Variants in APBA2 observed in about 807,000 individuals in gnomAD.
APBA2 encodes amyloid beta precursor protein binding family A member 2, also known as amyloid-beta A4 precursor protein-binding family A member 2.
APBA2 carries 30 observed loss-of-function variants against 75.0 expected under a neutral mutation model. The observed-to-expected ratio is 0.40, with a 90% confidence interval of 0.30 to 0.54. The LOEUF (loss-of-function observed/expected upper bound fraction) is 0.54. Among genes scored for constraint, APBA2 ranks in the 20% least tolerant of loss-of-function variants. The probability of loss-of-function intolerance (pLI) is 0.49; values close to 1 mark genes in which losing one functional copy is unlikely to be tolerated. For missense variants in APBA2, 801 were observed against 1,016.1 expected, an observed-to-expected ratio of 0.79 and a Z score of 2.88; for synonymous variants, 444 against 409.6, an observed-to-expected ratio of 1.08 and a Z score of -1.01.
intron 3 of APBA2, among the ~76,000 whole-genome samples, chr15:28,996,532 G>A (rs889149359): frequency 6.6e-6 from 1 of 152,210 alleles, no homozygotes. Flanking sequence ...GACAGGTTCT[G>A]CACTGCAGAT....
intron 1 of APBA2, among the ~76,000 whole-genome samples, chr15:28,890,708 GA>G (rs1201596394): frequency 6.6e-6 from 1 of 152,218 alleles, no homozygotes; most frequent in Non-Finnish European, 1.5e-5. Flanking sequence ...CCTGGCTTGA[GA>G]GTCTTTCTCA....
chr15:29,054,160 G>A lies in APBA2; in HGVS notation c.276G>A (p.Glu92=). ...EEEDYDEGLP[E]EEEGITYYIR... is the part of the protein sequence containing the mutation. ...AGGACTATGACGAGGGCCTCCCTGA[G>A]GAGGAGGAGGGCATCACCTACTACA... Residue 92 remains glutamate, a synonymous_variant, in exon 4 of 15, where the codon GAG becomes GAA. Transcript: ENST00000683413. This position sits in a 1 kb window ranked among gnomAD's most constrained non-coding sequence, Gnocchi z 6.1. 1 of 1,614,036 alleles carries A rather than the reference G, an allele frequency of 6.2e-7. No homozygotes were observed. The highest frequency in any genetic ancestry group is 1.7e-5 in the Admixed American group (1 of 60,028).
intron 3 of APBA2, among the ~76,000 whole-genome samples, chr15:29,015,968 C>T (rs1056888401): frequency 2.6e-5 from 4 of 152,152 alleles, no homozygotes; most frequent in Non-Finnish European, 4.4e-5. Flanking sequence ...AACATATCTA[C>T]TTATGGTTGG....
At chr15:28,910,813 C>T (rs867181284) in intron 1 of APBA2, among the ~76,000 whole-genome samples, 1 of 152,230 alleles carries the variant, frequency 6.6e-6, no homozygotes, top group Middle Eastern at 3.4e-3. Context: ...ATTTTCATAT[C>T]AGTTCTAATA....
intron 13 of APBA2, chr15:29,108,735 CAACA>C (rs1213587302): frequency 9.0e-6 from 4 of 443,160 alleles, no homozygotes; most frequent in Non-Finnish European, 1.7e-5. Flanking sequence ...TTACTGTGCT[CAACA>C]AACAGACGTT....
chr15:28,973,670 C>T (rs1027768585), intron 2 of APBA2, among the ~76,000 whole-genome samples: 2 of 151,850 alleles, frequency 1.3e-5, no homozygotes, highest in Non-Finnish European at 1.5e-5. Flanking sequence ...TATGTATGAC[C>T]GAAAGAAAGG....
intron 3 of APBA2, among the ~76,000 whole-genome samples, chr15:29,006,840 G>A (rs1220356388): frequency 6.6e-6 from 1 of 152,178 alleles, no homozygotes; most frequent in Non-Finnish European, 1.5e-5. Flanking sequence ...CATATCCAAA[G>A]CAATCTACAG....
chr15:29,049,919 A>G (rs2041515248), intron 3 of APBA2, among the ~76,000 whole-genome samples: 1 of 152,212 alleles, frequency 6.6e-6, no homozygotes, highest in African/African-American at 2.4e-5. Context: ...CCAGAAAGAG[A>G]AAAAGGCCAT....
chr15:28,920,918 C>T (rs955240130), intron 1 of APBA2, among the ~76,000 whole-genome samples: 8 of 152,154 alleles, frequency 5.3e-5, no homozygotes, highest in African/African-American at 1.9e-4. Context: ...CTCTGCAGCT[C>T]AGTTCTGTGC....
At chr15:28,956,343 G>A (rs2036165866) in intron 2 of APBA2, among the ~76,000 whole-genome samples, 1 of 151,940 alleles carries the variant, frequency 6.6e-6, no homozygotes, top group Non-Finnish European at 1.5e-5. Context: ...AAAACAGATG[G>A]GGTGGGGTCC....
At chr15:29,037,514 T>C (rs1388005370) in intron 3 of APBA2, among the ~76,000 whole-genome samples, 1 of 152,014 alleles carries the variant, frequency 6.6e-6, no homozygotes, top group African/African-American at 2.4e-5. Flanking sequence ...TTCCAGGCCT[T>C]TCAGGAGAGG....
At chr15:29,045,434 C>T (rs2041274612) in intron 3 of APBA2, among the ~76,000 whole-genome samples, 1 of 151,856 alleles carries the variant, frequency 6.6e-6, no homozygotes, top group South Asian at 2.1e-4. Context: ...TGAGCTCCAC[C>T]CTCATGACCT....
At chr15:28,919,993 G>A (rs567982299) in intron 1 of APBA2, among the ~76,000 whole-genome samples, 68 of 152,238 alleles carry the variant, frequency 4.5e-4, no homozygotes, top group African/African-American at 1.6e-3. Context: ...GCCCCTCCTC[G>A]GCCTTTGCAT....
intron 1 of APBA2, among the ~76,000 whole-genome samples, chr15:28,907,407 G>A (rs1297685401): frequency 6.6e-6 from 1 of 152,150 alleles, no homozygotes; most frequent in Admixed American, 6.5e-5. Context: ...TTATCTTAAA[G>A]GGCCATTACC....
At chr15:29,108,626 A>G (rs2044567809) in intron 13 of APBA2, 1 of 624,882 alleles carries the variant, frequency 1.6e-6, no homozygotes, top group East Asian at 2.8e-5. Context: ...AGCCTTTCCC[A>G]GGCTCCCTTG....
At chr15:28,909,521 G>A (rs1301555085) in intron 1 of APBA2, among the ~76,000 whole-genome samples, 3 of 152,272 alleles carry the variant, frequency 2.0e-5, no homozygotes, top group African/African-American at 4.8e-5. Flanking sequence ...CTCAGACATC[G>A]AGAATATCTC....
chr15:29,069,962 G>C (rs10152783), intron 4 of APBA2, among the ~76,000 whole-genome samples: 3 of 152,254 alleles, frequency 2.0e-5, no homozygotes, highest in Admixed American at 2.0e-4. Context: ...GACGTGTGCA[G>C]GTGGCCCCAG....
chr15:29,112,933 A>C (rs1004874282), intron 13 of APBA2, among the ~76,000 whole-genome samples: 1 of 151,976 alleles, frequency 6.6e-6, no homozygotes, highest in East Asian at 1.9e-4. Context: ...CAGGTACCTC[A>C]TATCAGTGGC....
At chr15:29,021,376 A>C (rs576794103) in intron 3 of APBA2, among the ~76,000 whole-genome samples, 105 of 152,170 alleles carry the variant, frequency 6.9e-4, no homozygotes, top group African/African-American at 2.4e-3. Flanking sequence ...AAAAATACAA[A>C]AATTAGCTGG....
Sources: allele counts gnomAD v4.1 joint callset (sites outside exome capture counted in the v4.1 genomes callset), GRCh38; gene constraint gnomAD v4.1.1; non-coding constraint Gnocchi (gnomAD v3.1); transcripts MANE v1.5; gene names NCBI Gene and HGNC (gene_info 2026-07-23, HGNC 2026-07-21).